The following ALK variants were observed in gnomAD, a reference collection of about 807,000 sequenced individuals.
ALK encodes the protein ALK receptor tyrosine kinase.
Under a neutral mutation model 163.1 loss-of-function variants are expected in ALK, and 74 were observed. The ratio of observed to expected loss-of-function variants is 0.45; its 90% CI spans 0.38 to 0.55. The LOEUF (loss-of-function observed/expected upper bound fraction) is 0.55. ALK is among the 20% of genes least tolerant of loss of function. The pLI, the probability that ALK is intolerant of heterozygous loss-of-function variation, is 0.00. For synonymous variants in ALK, 960 were observed against 843.2 expected, an observed-to-expected ratio of 1.14 and a Z score of -2.40; for missense variants, 2,063 against 2,105.3, an observed-to-expected ratio of 0.98 and a Z score of 0.39.
intron 1 of ALK, among the ~76,000 whole-genome samples, chr2:29,842,282 G>A (rs115418641): frequency 1.3e-5 from 2 of 152,086 alleles, no homozygotes; most frequent in Admixed American, 6.6e-5. Flanking sequence ...TGGTTGCAAC[G>A]AACAGATATT....
intron 19 of ALK, among the ~76,000 whole-genome samples, chr2:29,225,199 C>CT (rs1663924669): frequency 6.6e-6 from 1 of 152,014 alleles, no homozygotes; most frequent in Non-Finnish European, 1.5e-5. Flanking sequence ...GAAGGAGCTC[C>CT]CCACCCCCTG....
At chr2:29,728,879 G>T (rs1679653093) in intron 1 of ALK, among the ~76,000 whole-genome samples, 1 of 152,166 alleles carries the variant, frequency 6.6e-6, no homozygotes, top group Non-Finnish European at 1.5e-5. Flanking sequence ...ACAAGGACAG[G>T]GAATGAAACA....
chr2:29,808,673 G>A (rs537284449), intron 1 of ALK, among the ~76,000 whole-genome samples: 25 of 152,322 alleles, frequency 1.6e-4, no homozygotes, highest in African/African-American at 5.5e-4. Context: ...TGGCCATGAA[G>A]GGTGGTGTCA....
At chr2:29,508,733 CAA>C (rs60719550) in intron 4 of ALK, among the ~76,000 whole-genome samples, 276 of 65,482 alleles carry the variant, frequency 4.2e-3, no homozygotes, top group African/African-American at 0.018. Context: ...ATCTGCAACT[CAA>C]AAAAAAAAAA....
At chr2:29,534,857 A>G (rs1673211448) in intron 3 of ALK, among the ~76,000 whole-genome samples, 1 of 151,966 alleles carries the variant, frequency 6.6e-6, no homozygotes. Flanking sequence ...TGACTGGAAG[A>G]TTTTTCCAGT....
intron 2 of ALK, among the ~76,000 whole-genome samples, chr2:29,717,171 CAAAAAAA>C (rs754615995): frequency 2.8e-5 from 2 of 70,552 alleles, no homozygotes; most frequent in South Asian, 1.4e-3. Flanking sequence ...GACTCTGTCT[CAAAAAAA>C]AAAAAAAAAA....
At chr2:29,549,702 T>G (rs1464081341) in intron 3 of ALK, among the ~76,000 whole-genome samples, 1 of 152,180 alleles carries the variant, frequency 6.6e-6, no homozygotes, top group Non-Finnish European at 1.5e-5. Context: ...GATGAAAATT[T>G]AGTCTCTAAA....
chr2:29,566,539 C>T (rs1404390827), intron 3 of ALK, among the ~76,000 whole-genome samples: 2 of 152,122 alleles, frequency 1.3e-5, no homozygotes, highest in Non-Finnish European at 2.9e-5. Flanking sequence ...AACAAATTGT[C>T]ACATACATGG....
intron 5 of ALK, among the ~76,000 whole-genome samples, chr2:29,370,600 T>G (rs1668615043): frequency 1.3e-5 from 2 of 152,248 alleles, no homozygotes; most frequent in African/African-American, 4.8e-5. Flanking sequence ...TCTGGGCCTT[T>G]TAAGACCACA....
Position 29,255,171 on chromosome 2 carries a change from G to T in ALK, c.2042-3904C>A, listed in dbSNP as rs75047961. Among the ~76,000 whole-genome samples the T allele has an allele frequency of 3.6e-3, 548 of 152,310 alleles. 9 individuals are homozygous for T. The highest frequency in any genetic ancestry group is 0.012 in the African/African-American group (517 of 41,568). ...TGGAATCAATTTATGATTCCCACCA[G>T]CACTGCCTCTGGGGGTGTGGAGTTT... On this transcript the variant is annotated intron_variant, in intron 11 of 28. Coordinates refer to ENST00000389048, the MANE Select transcript of ALK (RefSeq NM_004304.5).
intron 1 of ALK, among the ~76,000 whole-genome samples, chr2:29,909,353 G>A (rs1373150864): frequency 2.0e-5 from 3 of 152,182 alleles, no homozygotes; most frequent in South Asian, 2.1e-4. Flanking sequence ...AAAGAGCATA[G>A]TGGCCTCAGT....
chr2:29,456,846 G>A (rs4533436), intron 4 of ALK, among the ~76,000 whole-genome samples: 67,300 of 152,008 alleles, frequency 0.44, 15,433 homozygotes, highest in South Asian at 0.59. Context: ...GTTGCTCAAC[G>A]TGTACTGGTT....
intron 1 of ALK, among the ~76,000 whole-genome samples, chr2:29,767,677 C>G (rs1316013128): frequency 6.6e-6 from 1 of 152,176 alleles, no homozygotes; most frequent in Non-Finnish European, 1.5e-5. Flanking sequence ...CACTCAGGCT[C>G]TCAAGAAGAG....
At chr2:29,549,359 G>C (rs1368312975) in intron 3 of ALK, among the ~76,000 whole-genome samples, 2 of 152,258 alleles carry the variant, frequency 1.3e-5, no homozygotes, top group Admixed American at 1.3e-4. Flanking sequence ...CATTAGTTGG[G>C]TGACCTTGGA....
chr2:29,883,684 A>G (rs1235171719), intron 1 of ALK, among the ~76,000 whole-genome samples: 1 of 148,960 alleles, frequency 6.7e-6, no homozygotes, highest in Non-Finnish European at 1.5e-5. Flanking sequence ...CTCCTTGAAG[A>G]GTAAGATGGA....
At chr2:29,506,142 T>C (rs939693770) in intron 4 of ALK, among the ~76,000 whole-genome samples, 8 of 152,288 alleles carry the variant, frequency 5.3e-5, no homozygotes, top group Non-Finnish European at 1.0e-4. Context: ...CTGCGAGAGA[T>C]AGTTTTCTGG....
At chr2:29,619,012 A>C (rs11127230) in intron 3 of ALK, among the ~76,000 whole-genome samples, 92,561 of 151,378 alleles carry the variant, frequency 0.61, 29,548 homozygotes, top group East Asian at 0.73. Flanking sequence ...AAAAAAAAAA[A>C]CACTTGAAAA....
intron 1 of ALK, among the ~76,000 whole-genome samples, chr2:29,860,988 T>C (rs889571926): frequency 3.3e-5 from 5 of 152,068 alleles, no homozygotes; most frequent in Non-Finnish European, 7.4e-5. Context: ...CTGGGCAACA[T>C]AGTAAGACCC....
intron 13 of ALK, among the ~76,000 whole-genome samples, chr2:29,235,952 C>T (rs749414775): frequency 2.3e-5 from 3 of 132,412 alleles, no homozygotes; most frequent in Non-Finnish European, 4.6e-5. Flanking sequence ...AAGTAGTTCT[C>T]TTGCCTCAGC....
Sources: allele counts gnomAD v4.1 joint callset (sites outside exome capture counted in the v4.1 genomes callset), GRCh38; gene constraint gnomAD v4.1.1; transcripts MANE v1.5; gene names NCBI Gene and HGNC (gene_info 2026-07-23, HGNC 2026-07-21).